Variants in ZFPM2 observed in about 807,000 individuals in gnomAD.
The protein encoded by ZFPM2 is zinc finger protein, FOG family member 2, also known as zinc finger protein ZFPM2.
In ZFPM2, 20 loss-of-function variants were observed where a neutral mutation model predicts 98.6. That is an observed-to-expected ratio of 0.20 (90% CI 0.14 to 0.29). The LOEUF is 0.29. ZFPM2 is among the 10% of genes least tolerant of loss of function. The probability of loss-of-function intolerance (pLI) is 1.00; values close to 1 mark genes in which losing one functional copy is unlikely to be tolerated. For missense variants in ZFPM2, 1,310 were observed against 1,388.6 expected, an observed-to-expected ratio of 0.94 and a Z score of 0.90; for synonymous variants, 518 against 502.7, an observed-to-expected ratio of 1.03 and a Z score of -0.41.
intron 1 of ZFPM2, among the ~76,000 whole-genome samples, chr8:105,411,846 A>G (rs11987859): frequency 0.34 from 51,254 of 151,524 alleles, 10,745 homozygotes; most frequent in African/African-American, 0.59. Context: ...AGAGTAAATT[A>G]GTCATTAGAG....
chr8:105,435,525 T>C (rs1041439468), intron 2 of ZFPM2, among the ~76,000 whole-genome samples: 2 of 152,300 alleles, frequency 1.3e-5, no homozygotes, highest in Middle Eastern at 3.4e-3. Context: ...CTGTCTTCCT[T>C]TCCTCTTCCT....
Position 105,561,407 on chromosome 8 carries a change from A to G in ZFPM2, c.346A>G (p.Ser116Gly). The G allele has an allele frequency of 6.2e-7, 1 of 1,613,622 alleles. No individual in the cohort carries two copies. Among genetic ancestry groups the G allele is most frequent in the Non-Finnish European group, 8.5e-7 (1 of 1,179,682 alleles). The change falls in exon 4 of 8, where the codon AGT (serine) becomes GGT (glycine). Residue 116 changes from serine to glycine, a missense_variant. By Grantham distance (56) the Ser-to-Gly change is moderately conservative. Coordinates refer to ENST00000407775, the MANE Select transcript of ZFPM2 (RefSeq NM_012082.4). Reference protein sequence around the residue: ...FQKDGERKIQSRQQLPVGTTW... With the variant: ...FQKDGERKIQGRQQLPVGTTW... ...GAAAGATGGGGAACGAAAAATTCAGAGTCGACAGCAACTTCCAGTGGGAAC... is the reference window on the plus strand; with the variant it reads ...GAAAGATGGGGAACGAAAAATTCAGGGTCGACAGCAACTTCCAGTGGGAAC...
At chr8:105,547,403 G>A (rs779165323) in intron 3 of ZFPM2, among the ~76,000 whole-genome samples, 5 of 151,886 alleles carry the variant, frequency 3.3e-5, no homozygotes, top group Middle Eastern at 3.4e-3. Flanking sequence ...ATAGCCGAGC[G>A]TGGTGGTGGG....
At chr8:105,742,965 A>G (rs1230490953) in intron 5 of ZFPM2, among the ~76,000 whole-genome samples, 1 of 152,096 alleles carries the variant, frequency 6.6e-6, no homozygotes. Context: ...ATTGGGAGAG[A>G]ATACAGGAGA....
At chr8:105,625,461 A>G (rs1163923912) in intron 4 of ZFPM2, among the ~76,000 whole-genome samples, 1 of 152,106 alleles carries the variant, frequency 6.6e-6, no homozygotes, top group African/African-American at 2.4e-5. Context: ...TTCAGTGGCC[A>G]TTTTACTCCA....
In ZFPM2 at chr8:105,802,917, T is replaced by C. The variant is rs757220445; in HGVS notation, c.2835T>C (p.Phe945=). The C allele has an allele frequency of 5.0e-6, 8 of 1,613,526 alleles. No homozygotes were observed. In the East Asian group the frequency reaches 1.6e-4, roughly 31 times the overall value. ...CAACCCTGCAAGGCTTGAAGGTCTT[T>C]AGTGAAGCTGCTCAGCTCATTGCTA... ...HLATLQGLKV[F]SEAAQLIATK... The change falls in exon 8 of 8, where the codon TTT becomes TTC. Residue 945 remains phenylalanine (F), a synonymous_variant. Coordinates refer to ENST00000407775, the MANE Select transcript of ZFPM2 (RefSeq NM_012082.4).
chr8:105,612,967 A>G (rs1310618132), intron 4 of ZFPM2, among the ~76,000 whole-genome samples: 1 of 152,212 alleles, frequency 6.6e-6, no homozygotes, highest in East Asian at 1.9e-4. Context: ...GTTGACTTCA[A>G]TCACTATCTC....
chr8:105,402,640 A>C (rs1327373675), intron 1 of ZFPM2, among the ~76,000 whole-genome samples: 1 of 152,014 alleles, frequency 6.6e-6, no homozygotes, highest in African/African-American at 2.4e-5. Flanking sequence ...TGTGTTGTCT[A>C]ATATTTTATT....
intron 3 of ZFPM2, among the ~76,000 whole-genome samples, chr8:105,549,638 G>A (rs562157878): frequency 1.4e-4 from 20 of 147,932 alleles, no homozygotes; most frequent in Non-Finnish European, 4.5e-5. Context: ...TTGAGACAGG[G>A]GCTCACTCTG....
At chr8:105,425,780 CT>C (rs1283126437) in intron 2 of ZFPM2, among the ~76,000 whole-genome samples, 1 of 152,280 alleles carries the variant, frequency 6.6e-6, no homozygotes, top group Admixed American at 6.5e-5. Context: ...CTCCCTGCCC[CT>C]GGTCCCTGAA....
chr8:105,772,759 T>TA (rs1813008627), intron 5 of ZFPM2, among the ~76,000 whole-genome samples: 1 of 152,140 alleles, frequency 6.6e-6, no homozygotes, highest in Non-Finnish European at 1.5e-5. Context: ...CTTCATTTAA[T>TA]AAAGCAAGGT....
chr8:105,634,331 A>G lies in ZFPM2; in HGVS notation c.506A>G (p.Lys169Arg), dbSNP rs1816807612. 5 of 1,612,626 alleles carry G rather than the reference A, an allele frequency of 3.1e-6. No homozygotes were observed. The Admixed American group carries it at 8.4e-5, about 27-fold the overall frequency. ...ACTTGGCAAGGAGTGGAAGACAACA[A>G]AAACAACTGCATTGTGTACAGCAAA... ...DVTWQGVEDN[K>R]NNCIVYSKGG... Residue 169 changes from lysine (K) to arginine (R), a missense_variant, in exon 5 of 8, where the codon AAA becomes AGA. Transcript: ENST00000407775.
At chr8:105,604,864 T>C (rs978701287) in intron 4 of ZFPM2, among the ~76,000 whole-genome samples, 1 of 152,104 alleles carries the variant, frequency 6.6e-6, no homozygotes, top group African/African-American at 2.4e-5. Flanking sequence ...TATATCTTTT[T>C]CTCCCTAATA....
At chr8:105,655,389 G>A (rs1250131366) in intron 5 of ZFPM2, among the ~76,000 whole-genome samples, 3 of 151,586 alleles carry the variant, frequency 2.0e-5, no homozygotes, top group Admixed American at 1.3e-4. Context: ...GCGCCACCAC[G>A]CCCAGCTAAT....
Position 105,576,325 on chromosome 8 carries a change from A to G in ZFPM2, c.420+14844A>G, listed in dbSNP as rs78714953. 3.0e-3 allele frequency among the ~76,000 whole-genome samples: 459 copies of G among 152,240 alleles called. 1 individual carries two copies. The highest frequency in any genetic ancestry group is 0.01 in the African/African-American group (433 of 41,538). On this transcript the variant is annotated intron_variant, in intron 4 of 7. Transcript: ENST00000407775. ...TATTGGCCTGGTGTCTTATGAATAA[A>G]CATAGAGGCACAAAAAATTAAAAAC...
intron 2 of ZFPM2, among the ~76,000 whole-genome samples, chr8:105,436,309 C>T (rs1250676493): frequency 2.6e-5 from 4 of 151,964 alleles, no homozygotes; most frequent in Admixed American, 6.6e-5. Context: ...CACCTGAGGT[C>T]GGGAGTTCGA....
intron 1 of ZFPM2, among the ~76,000 whole-genome samples, chr8:105,377,124 G>A (rs1810739857): frequency 6.6e-6 from 1 of 152,012 alleles, no homozygotes; most frequent in African/African-American, 2.4e-5. Flanking sequence ...TGGGATTATT[G>A]TATGGTCATT....
intron 5 of ZFPM2, among the ~76,000 whole-genome samples, chr8:105,754,135 G>A (rs1812542791): frequency 6.6e-6 from 1 of 152,092 alleles, no homozygotes; most frequent in African/African-American, 2.4e-5. Flanking sequence ...TTCCTAGTGA[G>A]ATGGGTGGGG....
At chr8:105,799,664 TA>T (rs1563572025) in intron 7 of ZFPM2, among the ~76,000 whole-genome samples, 1 of 152,188 alleles carries the variant, frequency 6.6e-6, no homozygotes, top group Admixed American at 6.5e-5. Flanking sequence ...TCATATTTTT[TA>T]AAAAATGAAT....
Sources: allele counts gnomAD v4.1 joint callset (sites outside exome capture counted in the v4.1 genomes callset), GRCh38; gene constraint gnomAD v4.1.1; transcripts MANE v1.5; gene names NCBI Gene and HGNC (gene_info 2026-07-23, HGNC 2026-07-21).